RPTOR: variants seen among roughly 807,000 people sequenced by gnomAD.
RPTOR encodes the protein regulatory-associated protein of mTOR.
RPTOR carries 21 observed loss-of-function variants against 169.9 expected under a neutral mutation model. The ratio of observed to expected loss-of-function variants is 0.12; its 90% CI spans 0.09 to 0.18. RPTOR has a LOEUF of 0.18. Ranked by LOEUF, RPTOR falls within the 10% of genes least tolerant of loss-of-function variation. The probability of loss-of-function intolerance (pLI) is 1.00; values close to 1 mark genes in which losing one functional copy is unlikely to be tolerated. For synonymous variants in RPTOR, 732 were observed against 753.2 expected (o/e 0.97, Z 0.46); for missense variants, 1,133 against 1,855.9 (o/e 0.61, Z 7.16).
chr17:80,757,143 A>G (rs1196106012), intron 6 of RPTOR, among the ~76,000 whole-genome samples: 1 of 152,206 alleles, frequency 6.6e-6, no homozygotes, highest in Non-Finnish European at 1.5e-5. Context: ...TAGAGGCCCC[A>G]GTATGCAGAC....
At chr17:80,683,082 G>C (rs558203577) in intron 3 of RPTOR, among the ~76,000 whole-genome samples, 1 of 152,208 alleles carries the variant, frequency 6.6e-6, no homozygotes, top group Non-Finnish European at 1.5e-5. Context: ...GATTACAGGC[G>C]CGAGCCAAGC....
chr17:80,596,579 T>C (rs1805599566), intron 1 of RPTOR, among the ~76,000 whole-genome samples: 1 of 152,326 alleles, frequency 6.6e-6, no homozygotes, highest in South Asian at 2.1e-4. Context: ...ATTTTACTTA[T>C]TTATTAGGTT....
Position 80,922,858 on chromosome 17 carries a change from G to A in RPTOR, c.2624+31G>A, listed in dbSNP as rs377497306. The A allele has an allele frequency of 1.4e-3, 2,211 of 1,528,890 alleles. 7 individuals carry two copies. Among genetic ancestry groups the A allele is most frequent in the Middle Eastern group, 2.9e-3 (17 of 5,940 alleles). 94.7% of individuals were successfully genotyped at this position (1,528,890 alleles called of 1,614,324 possible). A position where few individuals can be genotyped will look rare whatever the true frequency, so the allele number is the denominator to read the frequency against. On this transcript the variant is annotated intron_variant, in intron 22 of 33. Coordinates refer to ENST00000306801, the MANE Select transcript of RPTOR (RefSeq NM_020761.3). ...TGCCGCCCGCTCAGCCTGCAGGTCCGTGGTGGTGACCGGGGCCCCACGGGC... is the reference window on the plus strand; with the variant it reads ...TGCCGCCCGCTCAGCCTGCAGGTCCATGGTGGTGACCGGGGCCCCACGGGC...
chr17:80,773,382 T>C (rs1209186929), intron 6 of RPTOR, among the ~76,000 whole-genome samples: 3 of 152,190 alleles, frequency 2.0e-5, no homozygotes, highest in African/African-American at 4.8e-5. Context: ...AATATCCACG[T>C]TGGTTGTTGA....
chr17:80,697,525 G>A (rs2066047244), intron 3 of RPTOR, among the ~76,000 whole-genome samples: 2 of 152,250 alleles, frequency 1.3e-5, no homozygotes, highest in South Asian at 4.1e-4. Context: ...CAGGGAGCTG[G>A]TGAGGACCTT....
rs189561077 is a variant in RPTOR, at chr17:80,787,060, C to T, written c.831-4390C>T. Among the ~76,000 whole-genome samples the T allele has an allele frequency of 2.8e-3, 424 of 152,342 alleles. 2 individuals carry two copies. The highest frequency in any genetic ancestry group is 8.6e-3 in the African/African-American group (358 of 41,578). On this transcript the variant is annotated intron_variant, in intron 6 of 33. Coordinates refer to ENST00000306801, the MANE Select transcript of RPTOR (RefSeq NM_020761.3). The stretch of plus-strand genomic sequence containing the variant: ...CCACGCAGGGCGCCCTTGATGCACA[C>T]GCACCTGCCGCCCCCGCCCTGTGAC...
At chr17:80,554,275 A>T (rs546729463) in intron 1 of RPTOR, among the ~76,000 whole-genome samples, 14 of 152,152 alleles carry the variant, frequency 9.2e-5, no homozygotes, top group African/African-American at 3.1e-4. Context: ...ATAGATTGCA[A>T]CAGATCTTTA....
intron 6 of RPTOR, chr17:80,774,005 G>A (rs2066869587): frequency 4.1e-6 from 4 of 985,448 alleles, no homozygotes; most frequent in Non-Finnish European, 4.8e-6. Context: ...AAAGGACGAG[G>A]CTGAGTCAGG....
chr17:80,855,778 C>T (rs2067845581), intron 12 of RPTOR, among the ~76,000 whole-genome samples: 1 of 152,162 alleles, frequency 6.6e-6, no homozygotes, highest in Non-Finnish European at 1.5e-5. Flanking sequence ...GGGGTTGTCG[C>T]CCCTCTTTAT....
intron 9 of RPTOR, among the ~76,000 whole-genome samples, chr17:80,832,559 G>A (rs942150886): frequency 2.0e-5 from 3 of 152,228 alleles, no homozygotes; most frequent in African/African-American, 4.8e-5. Flanking sequence ...GGAGTGAGGA[G>A]TGGTTTCAGA....
At chr17:80,830,588 C>T (rs557097670) in intron 9 of RPTOR, among the ~76,000 whole-genome samples, 4 of 152,246 alleles carry the variant, frequency 2.6e-5, no homozygotes, top group Admixed American at 6.5e-5. Flanking sequence ...TTGCACGGGC[C>T]GCTGCTGTCC....
chr17:80,876,243 C>T lies in RPTOR; in HGVS notation c.1510-4172C>T, dbSNP rs71368096. ...CACGCAGGGTGTGTGTGTCGCCTGC[C>T]GGGTCTTCCACCGAGCCCGTGCCAC... On this transcript the variant is annotated intron_variant, in intron 13 of 33. Transcript: ENST00000306801. 1.6e-3 allele frequency among the ~76,000 whole-genome samples: 70 copies of T among 44,174 alleles called. 11 individuals carry two copies. Among genetic ancestry groups the T allele is most frequent in the Middle Eastern group, 0.021 (1 of 48 alleles). The allele number at this position is 44,174 out of a possible 152,430, so 29.0% of individuals were successfully genotyped here. A position where few individuals can be genotyped will look rare whatever the true frequency, so the allele number is the denominator to read the frequency against.
chr17:80,903,778 G>A (rs2068506557), intron 20 of RPTOR, among the ~76,000 whole-genome samples: 1 of 152,150 alleles, frequency 6.6e-6, no homozygotes. Context: ...TGGGTTTCAG[G>A]GCAGAGAAGG....
At position 80,884,025 on chromosome 17, in the gene RPTOR, G is replaced by A. The variant is rs1265019005; in HGVS notation, c.1842+53G>A. 1.2e-5 allele frequency: 19 copies of A among 1,565,952 alleles called. 1 individual carries two copies. In the South Asian group the frequency reaches 2.0e-4, roughly 16 times the overall value. On this transcript the variant is annotated intron_variant, in intron 16 of 33. Coordinates refer to ENST00000306801, the MANE Select transcript of RPTOR (RefSeq NM_020761.3). ...GTCCTCCTGGCTGCCGACTGCGGGGGTAAGGCAGAGGTCTGCTCGCGTGCG... is the reference window on the plus strand; with the variant it reads ...GTCCTCCTGGCTGCCGACTGCGGGGATAAGGCAGAGGTCTGCTCGCGTGCG...
At chr17:80,775,996 T>G (rs944587098) in intron 6 of RPTOR, among the ~76,000 whole-genome samples, 1 of 151,518 alleles carries the variant, frequency 6.6e-6, no homozygotes, top group Non-Finnish European at 1.5e-5. Flanking sequence ...CATAAAATTA[T>G]AGTGCTTGCA....
chr17:80,548,781 A>G (rs1281816127), intron 1 of RPTOR, among the ~76,000 whole-genome samples: 4 of 152,346 alleles, frequency 2.6e-5, no homozygotes, highest in African/African-American at 9.6e-5. Flanking sequence ...CTGGTGGAGC[A>G]GCATGTTTGT....
At chr17:80,773,587 G>A (rs1416828705) in intron 6 of RPTOR, among the ~76,000 whole-genome samples, 1 of 152,154 alleles carries the variant, frequency 6.6e-6, no homozygotes, top group East Asian at 1.9e-4. Flanking sequence ...TTTTTACACC[G>A]AGGACTTGGT....
At chr17:80,889,268 T>G (rs2068286504) in intron 17 of RPTOR, among the ~76,000 whole-genome samples, 1 of 152,100 alleles carries the variant, frequency 6.6e-6, no homozygotes, top group Non-Finnish European at 1.5e-5. Flanking sequence ...GGGCCAGCCA[T>G]GAAGGAGCAG....
chr17:80,743,838 G>C lies in RPTOR; in HGVS notation c.655-10172G>C, dbSNP rs907337247. The stretch of plus-strand genomic sequence containing the variant: ...TAGCAGAGCCCTGGCTACTAGCACA[G>C]CCCTGGTTACTAGCAGAGCCCTGGC... On this transcript the variant is annotated intron_variant, in intron 5 of 33. Transcript: ENST00000306801. Among the ~76,000 whole-genome samples, 704 of 94,088 alleles carry C rather than the reference G, an allele frequency of 7.5e-3. 32 individuals are homozygous for C. The highest frequency in any genetic ancestry group is 0.011 in the Middle Eastern group (2 of 184). The allele number at this position is 94,088 out of a possible 152,430, so 61.7% of individuals were successfully genotyped here.
Sources: allele counts gnomAD v4.1 joint callset (sites outside exome capture counted in the v4.1 genomes callset), GRCh38; gene constraint gnomAD v4.1.1; transcripts MANE v1.5; gene names NCBI Gene and HGNC (gene_info 2026-07-23, HGNC 2026-07-21).